The following UNC45A variants were observed in gnomAD, a reference collection of about 807,000 sequenced individuals.
The protein encoded by UNC45A is unc-45 myosin chaperone A, also known as protein unc-45 homolog A.
UNC45A carries 78 observed loss-of-function variants against 103.2 expected under a neutral mutation model. The observed-to-expected ratio is 0.76, with a 90% CI of 0.63 to 0.91. UNC45A has a LOEUF of 0.91. Ranked by LOEUF, UNC45A falls within the 40% of genes least tolerant of loss-of-function variation. The pLI is 0.00. For missense variants in UNC45A, 1,193 were observed against 1,224.8 expected (o/e 0.97, Z 0.39); for synonymous variants, 495 against 504.6 (o/e 0.98, Z 0.25).
At chr15:90,933,343 C>T (rs1227091865), upstream of UNC45A, 1 of 152,458 alleles carries the variant, frequency 6.6e-6, no homozygotes, top group African/African-American at 2.4e-5. Flanking sequence ...TGGGTAGGCA[C>T]TGGAATAACA....
upstream of UNC45A, chr15:90,931,350 C>T: frequency 2.6e-6 from 4 of 1,553,116 alleles, no homozygotes; most frequent in South Asian, 1.2e-5. Context: ...CCTGAAGCCC[C>T]TTCACCACCT....
intron 14 of UNC45A, 72 bp downstream of exon 14, chr15:90,949,515 G>A: frequency 6.2e-7 from 1 of 1,601,724 alleles, no homozygotes; most frequent in Non-Finnish European, 8.5e-7. Context: ...GGCTCCAGAG[G>A]GTGCAGGTTC....
intron 13 of UNC45A, 67 bp downstream of exon 13, chr15:90,948,861 G>A (rs1473728657): frequency 1.4e-5 from 18 of 1,241,648 alleles, no homozygotes; most frequent in Non-Finnish European, 2.0e-5. Flanking sequence ...GGCATCCACA[G>A]CAGAACAACC....
intron 11 of UNC45A, 96 bp downstream of exon 11, chr15:90,947,986 T>C (rs2304940): frequency 0.084 from 124,599 of 1,478,960 alleles, 10,521 homozygotes; most frequent in East Asian, 0.41. Context: ...CGTCCTGCTC[T>C]CTGGCTCAGG....
At chr15:90,948,978 G>A (rs1204173285) in intron 13 of UNC45A, among the ~76,000 whole-genome samples, 184 bp downstream of exon 13, 1 of 149,114 alleles carries the variant, frequency 6.7e-6, no homozygotes, top group Non-Finnish European at 1.5e-5. Flanking sequence ...CCGGGTTCAT[G>A]CCATTCTCCT....
intron 6 of UNC45A, chr15:90,940,775 T>C (rs2036253457): frequency 5.3e-6 from 1 of 187,672 alleles, no homozygotes; most frequent in African/African-American, 2.4e-5. Context: ...TAGCCGGGCA[T>C]GGTAGTGCAC....
intron 4 of UNC45A, among the ~76,000 whole-genome samples, chr15:90,938,439 A>G (rs928540549): frequency 2.6e-5 from 4 of 152,088 alleles, no homozygotes; most frequent in Non-Finnish European, 5.9e-5. Context: ...TTCCTCTCTC[A>G]ATGCCAACTC....
At chr15:90,934,149 G>T (rs2035899829), upstream of UNC45A, 1 of 399,192 alleles carries the variant, frequency 2.5e-6, no homozygotes, top group Admixed American at 4.4e-5. Context: ...CTCAGGTACA[G>T]CACTTACCCC....
At chr15:90,949,861 G>T in intron 15 of UNC45A, 141 bp downstream of exon 15, 1 of 931,390 alleles carries the variant, frequency 1.1e-6, no homozygotes, top group Non-Finnish European at 1.7e-6. Context: ...CCCGCTGAGA[G>T]AGTGACGCGG....
At chr15:90,935,185 G>C (rs1424180327), upstream of UNC45A, 3 of 819,938 alleles carry the variant, frequency 3.7e-6, no homozygotes, top group Middle Eastern at 3.5e-4. Flanking sequence ...GCCCGGGCGC[G>C]CTCCCTCCTT....
upstream of UNC45A, chr15:90,933,169 G>C (rs75937020): frequency 2.6e-5 from 4 of 152,358 alleles, no homozygotes; most frequent in African/African-American, 7.2e-5. Context: ...TAGCTGTGAC[G>C]TTTCTGCAGG....
upstream of UNC45A, chr15:90,932,328 G>A: frequency 1.2e-6 from 1 of 815,220 alleles, no homozygotes; most frequent in Non-Finnish European, 1.8e-6. Flanking sequence ...ACTAAGCTTG[G>A]GACAAAACAG....
rs536542555 is a variant in UNC45A at position 90,938,557 on chromosome 15, A to G, written c.427-1174A>G. Among the ~76,000 whole-genome samples, 6 of 152,210 alleles carry G rather than the reference A, an allele frequency of 3.9e-5. No individual in the cohort carries two copies. In the East Asian group the frequency reaches 9.7e-4, roughly 25 times the overall value. On this transcript the variant is annotated intron_variant, in intron 4 of 19. Coordinates refer to ENST00000418476, the MANE Select transcript of UNC45A (RefSeq NM_018671.5). ...GACTGGTTAGTCATGGCTGCCATGGATGCAAGAGAGGAAGGCGGGTGGTCC... is the reference window on the plus strand; with the variant it reads ...GACTGGTTAGTCATGGCTGCCATGGGTGCAAGAGAGGAAGGCGGGTGGTCC...
rs1208170073 is a variant in UNC45A, at chr15:90,939,810, A to C, written c.506A>C (p.Glu169Ala). ...ILLDPEEKGTEKKQKASQNLV... is the reference protein window; with the variant it reads ...ILLDPEEKGTAKKQKASQNLV... The stretch of plus-strand genomic sequence containing the variant: ...TTGGACCCAGAAGAGAAGGGCACTG[A>C]GAAAAAGCAAAAGGTATAGGCCCTG... Residue 169 changes from glutamate (E) to alanine (A), a missense_variant, in exon 5 of 20, where the codon GAG becomes GCG. Glu to Ala is a moderately radical substitution (Grantham distance 107, BLOSUM62 -1). Transcript: ENST00000418476. 1.2e-6 allele frequency: 2 copies of C among 1,614,012 alleles called. No homozygotes were observed. Among genetic ancestry groups the C allele is most frequent in the Non-Finnish European group, 1.7e-6 (2 of 1,180,034 alleles).
rs1405992744 is a variant in UNC45A at position 90,935,602 on chromosome 15, A to G, written c.110A>G (p.Tyr37Cys). The G allele has an allele frequency of 6.2e-7, 1 of 1,612,980 alleles. No individual in the cohort carries two copies. The highest frequency in any genetic ancestry group is 1.3e-5 in the African/African-American group (1 of 74,854). The change falls in exon 2 of 20, where the codon TAC (tyrosine) becomes TGC (cysteine). Residue 37 changes from tyrosine (Y) to cysteine (C), a missense_variant. Coordinates refer to ENST00000418476, the MANE Select transcript of UNC45A (RefSeq NM_018671.5). ...AATGAGCTGTTCAAATGTGGAGACT[A>G]CGGGGGCGCCCTGGCGGCCTACACT... ...EGNELFKCGDYGGALAAYTQA... is the reference protein window; with the variant it reads ...EGNELFKCGDCGGALAAYTQA...
chr15:90,945,130 G>C (rs1350749496), intron 9 of UNC45A, 67 bp downstream of exon 9: 21 of 1,575,424 alleles, frequency 1.3e-5, no homozygotes, highest in Non-Finnish European at 1.7e-5. Context: ...TCCTTGAGGA[G>C]GGGCAGAAAT....
intron 17 of UNC45A, chr15:90,952,630 G>T: frequency 2.9e-6 from 1 of 340,136 alleles, no homozygotes; most frequent in Non-Finnish European, 5.6e-6. Context: ...TCACCATGTT[G>T]GCCAGGCTGG....
intron 17 of UNC45A, chr15:90,952,508 C>T (rs2151377078): frequency 5.9e-6 from 1 of 169,018 alleles, no homozygotes; most frequent in East Asian, 1.6e-4. Context: ...CAACCTTCAC[C>T]TCCTGGGTTC....
At position 90,949,689 on chromosome 15, in the gene UNC45A, G is replaced by C. The variant is rs147920710; in HGVS notation, c.2042G>C (p.Arg681Pro). 15 of 1,614,058 alleles carry C rather than the reference G, an allele frequency of 9.3e-6. No homozygotes were observed. The highest frequency in any genetic ancestry group is 1.3e-5 in the Non-Finnish European group (15 of 1,180,048). Residue 681 changes from arginine (R) to proline (P), a missense_variant, in exon 15 of 20, where the codon CGA (arginine) becomes CCA (proline). By Grantham distance (103) the Arg-to-Pro change is moderately radical (BLOSUM62 -2). Coordinates refer to ENST00000418476, the MANE Select transcript of UNC45A (RefSeq NM_018671.5). ...GCTTTAGTGGAAGAGGTAGAGGACC[G>C]AGGCACTGTGGTTGCCCAGGGAGGC... The part of the protein sequence containing the change: ...FLALVEEVED[R>P]GTVVAQGGGR...
Sources: gnomAD v4.1 joint callset for allele counts (sites outside exome capture counted in the v4.1 genomes callset) on GRCh38, gnomAD v4.1.1 for gene constraint, MANE v1.5 for transcripts, NCBI Gene and HGNC (gene_info 2026-07-23, HGNC 2026-07-21) for gene names.